Variants in TENM3 observed in about 807,000 individuals in gnomAD.
The protein encoded by TENM3 is teneurin-3.
In TENM3, 63 loss-of-function variants were observed where a neutral mutation model predicts 255.1. The ratio of observed to expected loss-of-function variants is 0.25; its 90% CI spans 0.20 to 0.30. The LOEUF (loss-of-function observed/expected upper bound fraction) is 0.30. Among genes scored for constraint, TENM3 ranks in the 10% least tolerant of loss-of-function variants. The pLI, the probability that TENM3 is intolerant of heterozygous loss-of-function variation, is 1.00. For synonymous variants in TENM3, 1,306 were observed against 1,322.3 expected, an observed-to-expected ratio of 0.99 and a Z score of 0.27; for missense variants, 2,929 against 3,461.1, an observed-to-expected ratio of 0.85 and a Z score of 3.86.
the TENM3 span, among the ~76,000 whole-genome samples, chr4:181,571,250 G>C: frequency 6.6e-6 from 1 of 152,164 alleles, no homozygotes; most frequent in African/African-American, 2.4e-5. Context: ...AACTACATCC[G>C]TTTCCTAGAT....
At chr4:182,432,074 C>G (rs541202357) in intron 3 of TENM3, among the ~76,000 whole-genome samples, 1 of 131,784 alleles carries the variant, frequency 7.6e-6, no homozygotes, top group South Asian at 2.4e-4. Context: ...CAGAGAAAGT[C>G]TCAAAAAAAA....
chr4:182,710,801 A>G (rs1758693904), intron 12 of TENM3, among the ~76,000 whole-genome samples: 1 of 152,224 alleles, frequency 6.6e-6, no homozygotes, highest in Non-Finnish European at 1.5e-5. Flanking sequence ...ATTAAGATTT[A>G]TTAGGTCTCC....
the TENM3 span, among the ~76,000 whole-genome samples, chr4:181,604,229 C>T: frequency 0.015 from 2,295 of 152,212 alleles, 37 homozygotes; most frequent in South Asian, 0.069. Flanking sequence ...CGCGCCACAG[C>T]ACTCCAGCCT....
At chr4:181,455,365 A>G in the TENM3 span, among the ~76,000 whole-genome samples, 2 of 152,128 alleles carry the variant, frequency 1.3e-5, no homozygotes, top group Non-Finnish European at 2.9e-5. Flanking sequence ...AGGTTCTAAC[A>G]TCCCCACATG....
the TENM3 span, among the ~76,000 whole-genome samples, chr4:181,624,791 C>G: frequency 6.6e-6 from 1 of 152,152 alleles, no homozygotes; most frequent in Admixed American, 6.6e-5. Context: ...GCTGATGATT[C>G]TTCTCTTGGA....
the TENM3 span, among the ~76,000 whole-genome samples, chr4:181,721,572 C>T: frequency 4.0e-3 from 77 of 19,140 alleles, no homozygotes; most frequent in East Asian, 0.011. Flanking sequence ...TGCACTCCAG[C>T]CTGGGCGACA....
chr4:182,648,266 T>C (rs929089931), intron 5 of TENM3, among the ~76,000 whole-genome samples: 2 of 148,832 alleles, frequency 1.3e-5, no homozygotes, highest in Admixed American at 1.4e-4. Context: ...ATGCTGGGTG[T>C]TAGATGGATT....
chr4:182,798,829 T>C (rs573022600), intron 27 of TENM3, among the ~76,000 whole-genome samples: 1 of 152,286 alleles, frequency 6.6e-6, no homozygotes, highest in African/African-American at 2.4e-5. Context: ...GAAAAACAAC[T>C]GTTTCTTTCA....
the TENM3 span, among the ~76,000 whole-genome samples, chr4:181,687,738 A>G: frequency 6.6e-6 from 1 of 152,180 alleles, no homozygotes; most frequent in African/African-American, 2.4e-5. Flanking sequence ...GGTGAGACTT[A>G]CTTCTACTGT....
the TENM3 span, among the ~76,000 whole-genome samples, chr4:181,805,798 T>C: frequency 6.6e-6 from 1 of 152,150 alleles, no homozygotes; most frequent in Non-Finnish European, 1.5e-5. Flanking sequence ...ATTTAAACTT[T>C]TTCTCACCTT....
At chr4:182,126,914 A>C in the TENM3 span, among the ~76,000 whole-genome samples, 1 of 152,202 alleles carries the variant, frequency 6.6e-6, no homozygotes. Context: ...GACTGGAGCT[A>C]GCATAGTACA....
Position 182,628,680 on chromosome 4 carries a change from C to A in TENM3, c.779C>A (p.Thr260Lys). The A allele has an allele frequency of 6.3e-7, 1 of 1,599,812 alleles. No homozygotes were observed. The highest frequency in any genetic ancestry group is 2.3e-5 in the East Asian group (1 of 44,396). Residue 260 changes from threonine to lysine, a missense_variant, in exon 5 of 28, where the codon ACA becomes AAA. Transcript: ENST00000511685. ...RHFLFKTGTG[T>K]TPLFSTATPG... ...TTCCTATTCAAAACAGGAACAGGTA[C>A]AACGCCACTGTTCAGTACTGCAACC...
chr4:181,756,218 C>T, the TENM3 span, among the ~76,000 whole-genome samples: 2 of 152,158 alleles, frequency 1.3e-5, no homozygotes, highest in Admixed American at 6.5e-5. Context: ...CAATTCCCTT[C>T]TGCCTTGTTA....
chr4:182,623,001 G>C (rs1750440487), intron 4 of TENM3, among the ~76,000 whole-genome samples: 1 of 150,114 alleles, frequency 6.7e-6, no homozygotes, highest in Non-Finnish European at 1.5e-5. Flanking sequence ...TATTTTTTTA[G>C]ACAGAGTCTC....
the TENM3 span, among the ~76,000 whole-genome samples, chr4:181,706,901 T>G: frequency 1.4e-4 from 21 of 152,214 alleles, no homozygotes; most frequent in Admixed American, 8.5e-4. Flanking sequence ...ATCTGGTTAC[T>G]GATGTCCTGA....
the TENM3 span, among the ~76,000 whole-genome samples, chr4:182,059,762 A>T: frequency 3.2e-3 from 416 of 129,272 alleles, 4 homozygotes; most frequent in African/African-American, 0.016. Context: ...AAAAAAAAAA[A>T]GAAAAAAAAA....
the TENM3 span, among the ~76,000 whole-genome samples, chr4:181,927,879 GC>G: frequency 6.6e-6 from 1 of 152,184 alleles, no homozygotes; most frequent in South Asian, 2.1e-4. Context: ...TGATACCCAG[GC>G]AAACAAGGTC....
intron 5 of TENM3, among the ~76,000 whole-genome samples, chr4:182,635,392 A>G (rs1225249096): frequency 2.0e-5 from 3 of 152,148 alleles, no homozygotes; most frequent in African/African-American, 7.2e-5. Context: ...CTCACCTCCA[A>G]AAAGAATCCC....
intron 3 of TENM3, among the ~76,000 whole-genome samples, chr4:182,522,695 T>C (rs1475397644): frequency 6.6e-6 from 1 of 152,276 alleles, no homozygotes; most frequent in Non-Finnish European, 1.5e-5. Context: ...ACATTGTCTT[T>C]ATCCACTTAT....
Sources: gnomAD v4.1 joint callset for allele counts (sites outside exome capture counted in the v4.1 genomes callset) on GRCh38, gnomAD v4.1.1 for gene constraint, MANE v1.5 for transcripts, NCBI Gene and HGNC (gene_info 2026-07-23, HGNC 2026-07-21) for gene names.